PPP2R2C: variants seen among roughly 807,000 people sequenced by gnomAD.
PPP2R2C encodes the protein protein phosphatase 2, regulatory subunit B, gamma.
A neutral mutation model predicts 45.3 loss-of-function variants in PPP2R2C; 10 were observed. That is an observed-to-expected ratio of 0.22 (90% confidence interval 0.14 to 0.37). The LOEUF (loss-of-function observed/expected upper bound fraction) is 0.37, where lower values mean the gene tolerates loss of function less well. Ranked by LOEUF, PPP2R2C falls within the 10% of genes least tolerant of loss-of-function variation. The pLI is 1.00. For missense variants in PPP2R2C, 308 were observed against 619.7 expected, an observed-to-expected ratio of 0.50 and a Z score of 5.34; for synonymous variants, 257 against 245.4, an observed-to-expected ratio of 1.05 and a Z score of -0.44.
chr4:6,535,455 C>A, intron 1 of PPP2R2C: 2 of 976,468 alleles, frequency 2.0e-6, no homozygotes, highest in Non-Finnish European at 1.5e-6. Context: ...CCACATGCAA[C>A]GCGAGCACCG....
At chr4:6,504,579 AAGT>A (rs1167379061) in intron 2 of PPP2R2C, among the ~76,000 whole-genome samples, 5 of 152,230 alleles carry the variant, frequency 3.3e-5, no homozygotes, top group Non-Finnish European at 7.3e-5. Context: ...ATTTAAAAAT[AAGT>A]AGTCTCAGCA....
At chr4:6,504,220 CAGGA>C in intron 2 of PPP2R2C, among the ~76,000 whole-genome samples, 1 of 152,322 alleles carries the variant, frequency 6.6e-6, no homozygotes, top group East Asian at 1.9e-4. Context: ...TCTGTCTTCT[CAGGA>C]CAGATGTCAA....
At chr4:6,380,962 C>G (rs1465035032) in intron 2 of PPP2R2C, 35 bp downstream of exon 2, 40 of 1,476,350 alleles carry the variant, frequency 2.7e-5, no homozygotes, top group Non-Finnish European at 3.4e-5. Context: ...TGCTCCCCAC[C>G]CCTCCCACCT....
intron 5 of PPP2R2C, among the ~76,000 whole-genome samples, chr4:6,351,821 G>T (rs1042623138): frequency 4.6e-5 from 7 of 152,170 alleles, no homozygotes; most frequent in South Asian, 2.1e-4. Flanking sequence ...TTCACGGTGT[G>T]GGCACCGGGC....
At chr4:6,408,873 C>CTT (rs57209185) in intron 1 of PPP2R2C, among the ~76,000 whole-genome samples, 36,198 of 126,510 alleles carry the variant, frequency 0.29, 5,708 homozygotes, top group East Asian at 0.62. Context: ...GATCCTGTGG[C>CTT]TTTTTTTTTT....
chr4:6,329,648 A>T lies in PPP2R2C; in HGVS notation c.961-295T>A, dbSNP rs1732247498. Among the ~76,000 whole-genome samples the T allele has an allele frequency of 7.2e-6, 1 of 138,588 alleles. No individual in the cohort carries two copies. 90.9% of individuals were successfully genotyped at this position (138,588 alleles called of 152,430 possible). Reference sequence around the variant, plus strand: ...AGGCACACGGCTGACCTCCACCGTGACACAGCCCAATACAGCCCTGCTCAT... The same window carrying T: ...AGGCACACGGCTGACCTCCACCGTGTCACAGCCCAATACAGCCCTGCTCAT... On this transcript the variant is annotated intron_variant, in intron 7 of 8. Transcript: ENST00000382599. This position sits in a 1 kb window ranked among gnomAD's most constrained non-coding sequence, Gnocchi z 5.8.
intron 1 of PPP2R2C, among the ~76,000 whole-genome samples, chr4:6,432,749 C>A (rs1235549427): frequency 6.6e-6 from 1 of 152,162 alleles, no homozygotes; most frequent in Non-Finnish European, 1.5e-5. Context: ...GGTTTCACTG[C>A]CAAATAAGTT....
At chr4:6,431,727 C>T (rs1719634836) in intron 1 of PPP2R2C, among the ~76,000 whole-genome samples, 1 of 152,176 alleles carries the variant, frequency 6.6e-6, no homozygotes, top group African/African-American at 2.4e-5. Flanking sequence ...GACAAGAGAC[C>T]CTGGACCTCT....
At chr4:6,495,333 C>G (rs1232580747) in intron 2 of PPP2R2C, among the ~76,000 whole-genome samples, 2 of 152,228 alleles carry the variant, frequency 1.3e-5, no homozygotes, top group African/African-American at 4.8e-5. Context: ...AACACAGCAG[C>G]TGGGGCAGGC....
rs1440925156 is a variant in PPP2R2C at position 6,364,777 on chromosome 4, A to T, written c.625+7746T>A. Among the ~76,000 whole-genome samples the T allele has an allele frequency of 6.6e-6, 1 of 152,038 alleles. No homozygotes were observed. The highest frequency in any genetic ancestry group is 1.5e-5 in the Non-Finnish European group (1 of 68,000). ...CCCTGGCAGTCTGGCTCCTAGACCTAAGAAGGGAGGCCAGTCAGGTCACCA... is the reference window on the plus strand; with the variant it reads ...CCCTGGCAGTCTGGCTCCTAGACCTTAGAAGGGAGGCCAGTCAGGTCACCA... On this transcript the variant is annotated intron_variant, in intron 5 of 8. Coordinates refer to ENST00000382599, the MANE Select transcript of PPP2R2C (RefSeq NM_020416.4). The surrounding 1 kb of genome is among the most constrained non-coding windows in gnomAD (Gnocchi z 5.3).
At chr4:6,398,636 A>C (rs1717213636) in intron 1 of PPP2R2C, among the ~76,000 whole-genome samples, 1 of 152,198 alleles carries the variant, frequency 6.6e-6, no homozygotes, top group Non-Finnish European at 1.5e-5. Flanking sequence ...ACAGCCCCTC[A>C]CACACTGCTG....
chr4:6,405,566 T>C (rs1284917694), intron 1 of PPP2R2C, among the ~76,000 whole-genome samples: 1 of 152,070 alleles, frequency 6.6e-6, no homozygotes, highest in Non-Finnish European at 1.5e-5. Context: ...ACACAGCACT[T>C]TCATTACTCT....
intron 5 of PPP2R2C, among the ~76,000 whole-genome samples, chr4:6,363,259 TG>T (rs1713977093): frequency 6.6e-6 from 1 of 152,146 alleles, no homozygotes; most frequent in African/African-American, 2.4e-5. Context: ...AGATTGATTT[TG>T]TAGTGTTTGT....
chr4:6,538,323 G>A (rs780514017), intron 1 of PPP2R2C, among the ~76,000 whole-genome samples: 4 of 152,068 alleles, frequency 2.6e-5, no homozygotes, highest in African/African-American at 4.8e-5. Flanking sequence ...ACGCTTCCTC[G>A]GGGTACAGAT....
At chr4:6,482,712 T>C (rs1722397668) in intron 2 of PPP2R2C, among the ~76,000 whole-genome samples, 1 of 152,250 alleles carries the variant, frequency 6.6e-6, no homozygotes, top group African/African-American at 2.4e-5. Flanking sequence ...TTTTCCTTGC[T>C]GTCCTTAACC....
intron 5 of PPP2R2C, among the ~76,000 whole-genome samples, chr4:6,358,889 T>C (rs571119295): frequency 2.6e-5 from 4 of 152,348 alleles, no homozygotes; most frequent in African/African-American, 7.2e-5. Flanking sequence ...GCTTTTACAC[T>C]GTTGGTGGGA....
chr4:6,372,013 C>A (rs1405050012), intron 5 of PPP2R2C, among the ~76,000 whole-genome samples: 1 of 152,204 alleles, frequency 6.6e-6, no homozygotes, highest in Admixed American at 6.5e-5. Flanking sequence ...CTTGCCCTGA[C>A]ACAGGAGAAC....
chr4:6,417,605 A>T (rs1225860613), intron 1 of PPP2R2C, among the ~76,000 whole-genome samples: 3 of 152,212 alleles, frequency 2.0e-5, no homozygotes, highest in Non-Finnish European at 4.4e-5. Context: ...GGTGTTGCCC[A>T]GGCTTCTGGA....
At chr4:6,535,190 T>C (rs1724565346) in intron 2 of PPP2R2C, 1 of 1,441,056 alleles carries the variant, frequency 6.9e-7, no homozygotes, top group Admixed American at 2.0e-5. Flanking sequence ...AGGCTGGCGC[T>C]GTGTCGGGCG....
Sources: allele counts gnomAD v4.1 joint callset (sites outside exome capture counted in the v4.1 genomes callset), GRCh38; gene constraint gnomAD v4.1.1; non-coding constraint Gnocchi (gnomAD v3.1); transcripts MANE v1.5; gene names NCBI Gene and HGNC (gene_info 2026-07-23, HGNC 2026-07-21).